USP47: variants seen among roughly 807,000 people sequenced by gnomAD.
USP47 encodes ubiquitin specific peptidase 47, also known as ubiquitin carboxyl-terminal hydrolase 47.
A neutral mutation model predicts 165.1 loss-of-function variants in USP47; 35 were observed. The ratio of observed to expected loss-of-function variants is 0.21; its 90% CI spans 0.16 to 0.28. USP47 has a LOEUF of 0.28. Ranked by LOEUF, USP47 falls within the 10% of genes least tolerant of loss-of-function variation. The pLI, the probability that USP47 is intolerant of heterozygous loss-of-function variation, is 1.00. For missense variants in USP47, 1,277 were observed against 1,607.4 expected (o/e 0.79, Z 3.52); for synonymous variants, 531 against 544.5 (o/e 0.98, Z 0.35).
At position 11,929,386 on chromosome 11, in the gene USP47, G is replaced by C. The variant is rs780651508; in HGVS notation, c.1387-48G>C. 3 of 1,594,040 alleles carry C rather than the reference G, an allele frequency of 1.9e-6. No homozygotes were observed. In the Middle Eastern group the frequency reaches 5.8e-4, roughly 307 times the overall value. ...AGAGAATAGGAAATACACAAATAAG[G>C]GTTGTGTTTTCCTTCTCCTCTGAGT... On this transcript the variant is annotated intron_variant, in intron 11 of 27. Transcript: ENST00000527733.
rs1045207873 is a variant in USP47 at position 11,842,170 on chromosome 11, G to A, written c.-16G>A. On this transcript the variant is annotated 5_prime_UTR_variant, in exon 1 of 28. Coordinates refer to ENST00000527733, the MANE Select transcript of USP47 (RefSeq NM_001282659.2). ...CCCTCCCCCGGCAGGGCGGAGAGGA[G>A]CGGCCGGAGTCAGCGATGGTGCCCG... 3 of 1,552,254 alleles carry A rather than the reference G, an allele frequency of 1.9e-6. No individual in the cohort carries two copies. The African/African-American group carries it at 4.1e-5, about 21-fold the overall frequency.
intron 2 of USP47, among the ~76,000 whole-genome samples, chr11:11,884,150 C>T (rs540242493): frequency 6.6e-6 from 1 of 152,102 alleles, no homozygotes; most frequent in Admixed American, 6.5e-5. Flanking sequence ...TTGTATAGAA[C>T]ATGGAAAGAG....
At chr11:11,878,596 A>G (rs1192392759) in intron 1 of USP47, 2 of 152,048 alleles carry the variant, frequency 1.3e-5, no homozygotes, top group Admixed American at 6.6e-5. Context: ...TATGTTAATA[A>G]TGTTCTTTTG....
At chr11:11,845,777 A>G (rs1848393410) in intron 1 of USP47, among the ~76,000 whole-genome samples, 1 of 152,200 alleles carries the variant, frequency 6.6e-6, no homozygotes, top group African/African-American at 2.4e-5. Context: ...TTGCTTTAAT[A>G]CATACTTCTA....
intron 19 of USP47, among the ~76,000 whole-genome samples, chr11:11,940,888 T>G (rs1235342809): frequency 2.0e-5 from 3 of 151,890 alleles, no homozygotes; most frequent in Non-Finnish European, 2.9e-5. Context: ...CCACAGTGAT[T>G]ATGTCCCCTG....
intron 20 of USP47, 117 bp from the exon 21 acceptor site, chr11:11,947,828 G>GA (rs765366466): frequency 1.7e-5 from 18 of 1,041,400 alleles, no homozygotes; most frequent in Non-Finnish European, 1.7e-5. Flanking sequence ...AAGTCTAACT[G>GA]AAAAGGGGTA....
rs28364721 is a variant in USP47 at position 11,841,979 on chromosome 11, G to T, written c.-207G>T. The T allele has an allele frequency of 0.15, 79,711 of 524,766 alleles. 7,066 individuals are homozygous for T. Among genetic ancestry groups the T allele is most frequent in the Middle Eastern group, 0.33 (616 of 1,894 alleles). The allele number at this position is 524,766 out of a possible 1,614,324, so 32.5% of individuals were successfully genotyped here. On this transcript the variant is annotated 5_prime_UTR_variant, in exon 1 of 28. Transcript: ENST00000527733. The stretch of plus-strand genomic sequence containing the variant: ...GCTGGGGGAGGGGCCGACGACGAAG[G>T]CGGCTGTGGTAGCGGCGGCGGCGGC...
Position 11,959,208 on chromosome 11 carries a change from T to C in USP47, c.*3033T>C, listed in dbSNP as rs1218068452. On this transcript the variant is annotated 3_prime_UTR_variant, in exon 28 of 28. Transcript: ENST00000527733. Reference sequence around the variant, plus strand: ...ACTGTAGTTCTTCCTCTGGATTTTATTTTGTTCAGCGTCAAGGCCCTAATT... The same window carrying C: ...ACTGTAGTTCTTCCTCTGGATTTTACTTTGTTCAGCGTCAAGGCCCTAATT... 6.6e-6 allele frequency: 1 copy of C among 152,220 alleles called. No individual in the cohort carries two copies. Among genetic ancestry groups the C allele is most frequent in the East Asian group, 1.9e-4 (1 of 5,196 alleles). 9.4% of individuals were successfully genotyped at this position (152,220 alleles called of 1,614,324 possible).
intron 2 of USP47, among the ~76,000 whole-genome samples, chr11:11,881,376 G>T (rs1051390938): frequency 5.9e-5 from 9 of 152,092 alleles, no homozygotes; most frequent in African/African-American, 2.2e-4. Flanking sequence ...CTGCTACGTA[G>T]TCCAAGGAGA....
rs1381177208 is a variant in USP47, at chr11:11,958,692, C to T, written c.*2517C>T. ...ATGCACACCCTGTGAGAACCAAGTACCTGTGTTTCTAAGGCGGGCACTCAA... is the reference window on the plus strand; with the variant it reads ...ATGCACACCCTGTGAGAACCAAGTATCTGTGTTTCTAAGGCGGGCACTCAA... On this transcript the variant is annotated 3_prime_UTR_variant, in exon 28 of 28. Transcript: ENST00000527733. 6.6e-6 allele frequency: 1 copy of T among 152,238 alleles called. No individual in the cohort carries two copies. Among genetic ancestry groups the T allele is most frequent in the Non-Finnish European group, 1.5e-5 (1 of 68,056 alleles). 9.4% of individuals were successfully genotyped at this position (152,238 alleles called of 1,614,324 possible). A position where few individuals can be genotyped will look rare whatever the true frequency, so the allele number is the denominator to read the frequency against.
At chr11:11,859,689 G>T (rs1849262149) in intron 1 of USP47, among the ~76,000 whole-genome samples, 6 of 152,088 alleles carry the variant, frequency 3.9e-5, no homozygotes, top group Admixed American at 3.3e-4. Context: ...TACAAGAATT[G>T]CATGTTTCTT....
chr11:11,921,413 G>A (rs1327291719), intron 10 of USP47, among the ~76,000 whole-genome samples: 1 of 151,810 alleles, frequency 6.6e-6, no homozygotes, highest in East Asian at 1.9e-4. Context: ...GCTAGATGTG[G>A]ATTCAAATTC....
chr11:11,955,140 A>G lies in USP47; in HGVS notation c.3869A>G (p.Asp1290Gly), dbSNP rs1349980169. 1 of 1,613,534 alleles carries G rather than the reference A, an allele frequency of 6.2e-7. No individual in the cohort carries two copies. The highest frequency in any genetic ancestry group is 1.3e-5 in the African/African-American group (1 of 74,898). The change falls in exon 27 of 28, where the codon GAT becomes GGT. Residue 1290 changes from aspartate to glycine, a missense_variant. Asp to Gly is a moderately conservative substitution (Grantham distance 94). Around this residue, in one of 4 missense-constraint regions of USP47, gnomAD observed 909 missense variants for 1,068.1 expected, o/e 0.85. Coordinates refer to ENST00000527733, the MANE Select transcript of USP47 (RefSeq NM_001282659.2). Reference sequence around the variant, plus strand: ...AATGTCTGGCCTCTTTATATCTGTGATGATGGTGCGGTCATATTTTATAGG... The same window carrying G: ...AATGTCTGGCCTCTTTATATCTGTGGTGATGGTGCGGTCATATTTTATAGG... ...TLNVWPLYIC[D>G]DGAVIFYRDK...
intron 1 of USP47, among the ~76,000 whole-genome samples, chr11:11,872,102 G>C (rs1442514968): frequency 6.6e-6 from 1 of 152,178 alleles, no homozygotes. Context: ...GCTTGTTTCT[G>C]CTCTGCTAGG....
At chr11:11,845,007 C>T (rs533571712) in intron 1 of USP47, among the ~76,000 whole-genome samples, 3 of 151,828 alleles carry the variant, frequency 2.0e-5, no homozygotes, top group African/African-American at 4.8e-5. Context: ...TTTACATTTT[C>T]GAATTGTTGA....
chr11:11,846,056 G>A (rs977685651), intron 1 of USP47, among the ~76,000 whole-genome samples: 1 of 152,060 alleles, frequency 6.6e-6, no homozygotes, highest in African/African-American at 2.4e-5. Flanking sequence ...GGGGTTTTTA[G>A]TATTCCTCCT....
In USP47 at chr11:11,961,296, G is replaced by C. The variant is rs972345622; in HGVS notation, c.*5121G>C. The stretch of plus-strand genomic sequence containing the variant: ...CTGACAGGGCAAAAGAGATTTTGCA[G>C]ATGCAATTAAGGTTAAGGACCTTGA... On this transcript the variant is annotated 3_prime_UTR_variant, in exon 28 of 28. Transcript: ENST00000527733. Among the ~76,000 whole-genome samples, 1 of 152,218 alleles carries C rather than the reference G, an allele frequency of 6.6e-6. No homozygotes were observed. Among genetic ancestry groups the C allele is most frequent in the African/African-American group, 2.4e-5 (1 of 41,446 alleles).
chr11:11,902,310 C>T (rs140313021), intron 5 of USP47, among the ~76,000 whole-genome samples: 71 of 152,264 alleles, frequency 4.7e-4, no homozygotes, highest in African/African-American at 1.5e-3. Flanking sequence ...AAACTGATGT[C>T]ATCTATCCTG....
chr11:11,907,592 G>T (rs1378770578), intron 8 of USP47, among the ~76,000 whole-genome samples: 1 of 152,030 alleles, frequency 6.6e-6, no homozygotes, highest in Non-Finnish European at 1.5e-5. Flanking sequence ...TTGCCATTTT[G>T]TATTTTGTTA....
Sources: allele counts gnomAD v4.1 joint callset (sites outside exome capture counted in the v4.1 genomes callset), GRCh38; gene constraint gnomAD v4.1.1; regional missense constraint gnomAD v4.1.1; transcripts MANE v1.5; gene names NCBI Gene and HGNC (gene_info 2026-07-23, HGNC 2026-07-21).